Variants in MRPS24 observed in about 807,000 individuals in gnomAD.
The protein encoded by MRPS24 is mitochondrial ribosomal protein S24.
A neutral mutation model predicts 21.8 loss-of-function variants in MRPS24; 15 were observed. That is an observed-to-expected ratio of 0.69 (90% confidence interval 0.46 to 1.06). The LOEUF (loss-of-function observed/expected upper bound fraction) is 1.06. Ranked by LOEUF, MRPS24 falls within the 50% of genes least tolerant of loss-of-function variation. MRPS24 has a pLI of 0.00. For synonymous variants in MRPS24, 93 were observed against 93.7 expected (o/e 0.99, Z 0.04); for missense variants, 224 against 219.1 (o/e 1.02, Z -0.14).
At chr7:43,868,224 A>G (rs1459029920) in intron 3 of MRPS24, 1 of 152,220 alleles carries the variant, frequency 6.6e-6, no homozygotes, top group Non-Finnish European at 1.5e-5. Context: ...GGAACACTAG[A>G]TAGCACTTCA....
chr7:43,866,729 C>T lies in MRPS24; in HGVS notation c.474G>A (p.Val158=). The change falls in exon 4 of 4, where the codon GTG becomes GTA. Residue 158 remains valine, a synonymous_variant. Transcript: ENST00000317534. ...GGTACTTATACACAACCTTTGAGGG[C>T]ACAGTTTGGAGGTGGAGTCGCACAG... ...KCPVRLHLQT[V]PSKVVYKYL 1 of 1,614,182 alleles carries T rather than the reference C, an allele frequency of 6.2e-7. No homozygotes were observed. The highest frequency in any genetic ancestry group is 8.5e-7 in the Non-Finnish European group (1 of 1,180,042).
chr7:43,867,672 G>A (rs2095837514), intron 3 of MRPS24: 1 of 151,888 alleles, frequency 6.6e-6, no homozygotes, highest in South Asian at 2.1e-4. Context: ...GGGATTGCAG[G>A]CGCCCGCCAC....
At position 43,866,861 on chromosome 7, in the gene MRPS24, AC is replaced by A; in HGVS notation, c.341del (p.Gly114ValfsTer11). Reference protein sequence around the residue: ...LADQLVLKRRGNQLEICAVVL... With the variant: ...LADQLVLKRRXNQLEICAVVL... ...CCACGGCACAGATCTCCAACTGGTT[AC>A]CCCGGCGCTTTAAAACCAGCTGGTC... On this transcript the variant is annotated frameshift_variant, in exon 4 of 4. Coordinates refer to ENST00000317534, the MANE Select transcript of MRPS24 (RefSeq NM_032014.3). LOFTEE classifies it high-confidence loss of function. 1 of 1,614,188 alleles carries A rather than the reference AC, an allele frequency of 6.2e-7. No homozygotes were observed. Among genetic ancestry groups the A allele is most frequent in the Non-Finnish European group, 8.5e-7 (1 of 1,180,028 alleles).
rs1191854879 is a variant in MRPS24, at chr7:43,869,300, G to A, written c.108+8C>T. 3.9e-6 allele frequency: 6 copies of A among 1,538,418 alleles called. No individual in the cohort carries two copies. In the African/African-American group the frequency reaches 8.2e-5, roughly 21 times the overall value. ...AGGCCCCCAGGCCCCTGCCCCGGCG[G>A]TGCTCACCTTGGCGCAGACCGGGGA... On this transcript the variant is annotated splice_region_variant and intron_variant, in intron 2 of 3. Coordinates refer to ENST00000317534, the MANE Select transcript of MRPS24 (RefSeq NM_032014.3). The surrounding 1 kb of genome is among the most constrained non-coding windows in gnomAD (Gnocchi z 4.8).
intron 3 of MRPS24, chr7:43,868,659 C>A: frequency 3.0e-6 from 1 of 334,528 alleles, no homozygotes; most frequent in Non-Finnish European, 5.5e-6. Flanking sequence ...CTGTAAATTA[C>A]AGATAACTGA....
chr7:43,869,472 C>G lies in MRPS24; in HGVS notation c.24G>C (p.Gly8=), dbSNP rs1015426453. The change falls in exon 1 of 4, where the codon GGG becomes GGC. Residue 8 remains glycine, a synonymous_variant. Coordinates refer to ENST00000317534, the MANE Select transcript of MRPS24 (RefSeq NM_032014.3). The surrounding 1 kb of genome is among the most constrained non-coding windows in gnomAD (Gnocchi z 4.8). MAASVCS[G]LLGPRVLSWS... Reference sequence around the variant, plus strand: ...CCCCACTCACCCGTGGCCCCAGCAACCCGCTGCACACGGAGGCCGCCATCT... The same window carrying G: ...CCCCACTCACCCGTGGCCCCAGCAAGCCGCTGCACACGGAGGCCGCCATCT... 4.5e-5 allele frequency: 71 copies of G among 1,569,316 alleles called. No homozygotes were observed. Among genetic ancestry groups the G allele is most frequent in the Non-Finnish European group, 6.0e-5 (70 of 1,158,514 alleles).
chr7:43,869,266 C>CTTG lies in MRPS24; in HGVS notation c.108+41_108+42insCAA. ...CACGGCTTCCCCGGCCCCCGGCCCCCCGGCCCCCAGGCCCCCAGGCCCCTG... is the reference window on the plus strand; with the variant it reads ...CACGGCTTCCCCGGCCCCCGGCCCCCTTGCGGCCCCCAGGCCCCCAGGCCCCTG... On this transcript the variant is annotated intron_variant, in intron 2 of 3. Transcript: ENST00000317534. The surrounding 1 kb of genome is among the most constrained non-coding windows in gnomAD (Gnocchi z 4.8). 1 of 1,418,962 alleles carries CTTG rather than the reference C, an allele frequency of 7.0e-7. No individual in the cohort carries two copies. Among genetic ancestry groups the CTTG allele is most frequent in the South Asian group, 1.4e-5 (1 of 72,264 alleles). The allele number at this position is 1,418,962 out of a possible 1,614,324, so 87.9% of individuals were successfully genotyped here. A position where few individuals can be genotyped will look rare whatever the true frequency, so the allele number is the denominator to read the frequency against.
chr7:43,869,092 C>T lies in MRPS24; in HGVS notation c.109-18G>A, dbSNP rs544509760. ...GCCCGGTTCTAGGAGCAAAAGGGGC[C>T]GTGACTCCACGAGATCCCCGATCCA... On this transcript the variant is annotated intron_variant, in intron 2 of 3. Transcript: ENST00000317534. This position sits in a 1 kb window ranked among gnomAD's most constrained non-coding sequence, Gnocchi z 4.8. The T allele has an allele frequency of 2.5e-6, 4 of 1,606,970 alleles. No homozygotes were observed. The South Asian group carries it at 4.4e-5, about 18-fold the overall frequency.
At position 43,869,260 on chromosome 7, in the gene MRPS24, G is replaced by GGCCCCCCCGCCCCCCC; in HGVS notation, c.108+47_108+48insGGGGGGGCGGGGGGGC. ...AGCCCGCACGGCTTCCCCGGCCCCC[G>GGCCCCCCCGCCCCCCC]GCCCCCCGGCCCCCAGGCCCCCAGG... On this transcript the variant is annotated intron_variant, in intron 2 of 3. Transcript: ENST00000317534. This position sits in a 1 kb window ranked among gnomAD's most constrained non-coding sequence, Gnocchi z 4.8. 1.3e-6 allele frequency: 1 copy of GGCCCCCCCGCCCCCCC among 782,852 alleles called. No individual in the cohort carries two copies. The highest frequency in any genetic ancestry group is 1.8e-6 in the Non-Finnish European group (1 of 556,826). The allele number at this position is 782,852 out of a possible 1,614,324, so 48.5% of individuals were successfully genotyped here.
Position 43,869,216 on chromosome 7 carries a change from C to T in MRPS24, c.108+92G>A. ...CCCGACCCTAGCCCCGCCTCGGACC[C>T]CAGCGACACGCCCCCTTCAGCCCGC... On this transcript the variant is annotated intron_variant, in intron 2 of 3. Coordinates refer to ENST00000317534, the MANE Select transcript of MRPS24 (RefSeq NM_032014.3). This position sits in a 1 kb window ranked among gnomAD's most constrained non-coding sequence, Gnocchi z 4.8. 6.8e-7 allele frequency: 1 copy of T among 1,472,256 alleles called. No homozygotes were observed. Among genetic ancestry groups the T allele is most frequent in the Non-Finnish European group, 9.0e-7 (1 of 1,117,030 alleles). 91.2% of individuals were successfully genotyped at this position (1,472,256 alleles called of 1,614,324 possible).
rs1203574697 is a variant in MRPS24 at position 43,869,505 on chromosome 7, A to T, written c.-10T>A. 6.4e-7 allele frequency: 1 copy of T among 1,564,340 alleles called. No homozygotes were observed. Among genetic ancestry groups the T allele is most frequent in the South Asian group, 1.2e-5 (1 of 85,352 alleles). ...ACACGGAGGCCGCCATCTTGGGCCA[A>T]GCGGAGCGCGGGACGTACCACAGCG... On this transcript the variant is annotated 5_prime_UTR_variant, in exon 1 of 4. It adds an upstream start codon to the 5' untranslated region. Coordinates refer to ENST00000317534, the MANE Select transcript of MRPS24 (RefSeq NM_032014.3). The surrounding 1 kb of genome is among the most constrained non-coding windows in gnomAD (Gnocchi z 4.8).
Position 43,866,676 on chromosome 7 carries a change from T to C in MRPS24, c.*23A>G, listed in dbSNP as rs2095836568. On this transcript the variant is annotated 3_prime_UTR_variant, in exon 4 of 4. Transcript: ENST00000317534. ...GTTTCCATTCTCTGCAGGCTACAGC[T>C]TGATGGAAAAAAGGGGATTGTTCTA... The C allele has an allele frequency of 6.2e-7, 1 of 1,609,950 alleles. No homozygotes were observed. The highest frequency in any genetic ancestry group is 1.3e-5 in the African/African-American group (1 of 74,978).
rs367600254 is a variant in MRPS24 at position 43,869,024 on chromosome 7, G to A, written c.159C>T (p.Tyr53=). The A allele has an allele frequency of 2.3e-5, 37 of 1,613,864 alleles. No individual in the cohort carries two copies. Among genetic ancestry groups the A allele is most frequent in the Non-Finnish European group, 3.0e-5 (35 of 1,180,026 alleles). The change falls in exon 3 of 4, where the codon TAC becomes TAT. Residue 53 remains tyrosine, a synonymous_variant. Coordinates refer to ENST00000317534, the MANE Select transcript of MRPS24 (RefSeq NM_032014.3). This position sits in a 1 kb window ranked among gnomAD's most constrained non-coding sequence, Gnocchi z 4.8. Reference sequence around the variant, plus strand: ...TGTAGTGCGGCGCGTGTGCCTCCTCGTAGGTCACCGGCTTGTCCCCCTTGC... The same window carrying A: ...TGTAGTGCGGCGCGTGTGCCTCCTCATAGGTCACCGGCTTGTCCCCCTTGC... ...RVSKGDKPVT[Y]EEAHAPHYIA... is the part of the protein sequence containing the mutation.
At chr7:43,867,143 A>T (rs2095837055) in intron 3 of MRPS24, among the ~76,000 whole-genome samples, 161 bp from the exon 4 acceptor site, 1 of 152,202 alleles carries the variant, frequency 6.6e-6, no homozygotes, top group Non-Finnish European at 1.5e-5. Context: ...AACACTTTAA[A>T]GTTCAAAGTA....
chr7:43,868,233 C>T (rs1318096897), intron 3 of MRPS24: 1 of 152,116 alleles, frequency 6.6e-6, no homozygotes, highest in African/African-American at 2.4e-5. Context: ...GATAGCACTT[C>T]AGCATTGCAA....
At position 43,869,294 on chromosome 7, in the gene MRPS24, C is replaced by A; in HGVS notation, c.108+14G>T. On this transcript the variant is annotated intron_variant, in intron 2 of 3. Transcript: ENST00000317534. The surrounding 1 kb of genome is among the most constrained non-coding windows in gnomAD (Gnocchi z 4.8). ...GCCCCCAGGCCCCCAGGCCCCTGCC[C>A]CGGCGGTGCTCACCTTGGCGCAGAC... The A allele has an allele frequency of 6.5e-7, 1 of 1,536,614 alleles. No individual in the cohort carries two copies. The highest frequency in any genetic ancestry group is 8.7e-7 in the Non-Finnish European group (1 of 1,144,614).
chr7:43,867,031 C>A, intron 3 of MRPS24, 49 bp from the exon 4 acceptor site: 1 of 1,586,086 alleles, frequency 6.3e-7, no homozygotes, highest in Non-Finnish European at 8.6e-7. Context: ...TGCCCCAGGG[C>A]CCTGCCATAA....
chr7:43,869,399 G>A lies in MRPS24; in HGVS notation c.40-23C>T, dbSNP rs1414956812. 1.9e-6 allele frequency: 3 copies of A among 1,550,106 alleles called. No homozygotes were observed. Among genetic ancestry groups the A allele is most frequent in the Non-Finnish European group, 2.6e-6 (3 of 1,147,084 alleles). On this transcript the variant is annotated intron_variant, in intron 1 of 3. Transcript: ENST00000317534. This position sits in a 1 kb window ranked among gnomAD's most constrained non-coding sequence, Gnocchi z 4.8. ...CACCTGTGGAGGGAGGGCGCGTGAG[G>A]CGGAAACTAGGGACCCCACCTCCGA...
At position 43,869,267 on chromosome 7, in the gene MRPS24, CGGCCCCCAGGCCCCCA is replaced by C. The variant is rs772348706; in HGVS notation, c.108+25_108+40del. On this transcript the variant is annotated intron_variant, in intron 2 of 3. Coordinates refer to ENST00000317534, the MANE Select transcript of MRPS24 (RefSeq NM_032014.3). This position sits in a 1 kb window ranked among gnomAD's most constrained non-coding sequence, Gnocchi z 4.8. ...ACGGCTTCCCCGGCCCCCGGCCCCC[CGGCCCCCAGGCCCCCA>C]GGCCCCTGCCCCGGCGGTGCTCACC... 8 of 1,460,722 alleles carry C rather than the reference CGGCCCCCAGGCCCCCA, an allele frequency of 5.5e-6. No individual in the cohort carries two copies. In the African/African-American group the frequency reaches 1.2e-4, roughly 21 times the overall value. The allele number at this position is 1,460,722 out of a possible 1,614,324, so 90.5% of individuals were successfully genotyped here.
Sources: gnomAD v4.1 joint callset for allele counts (sites outside exome capture counted in the v4.1 genomes callset) on GRCh38, gnomAD v4.1.1 for gene constraint, Gnocchi (gnomAD v3.1) non-coding constraint, MANE v1.5 for transcripts, NCBI Gene and HGNC (gene_info 2026-07-23, HGNC 2026-07-21) for gene names.